The following GTF3C4 variants were observed in gnomAD, a reference collection of about 807,000 sequenced individuals.
GTF3C4 encodes the protein general transcription factor 3C polypeptide 4.
Under a neutral mutation model 67.5 loss-of-function variants are expected in GTF3C4, and 28 were observed. The ratio of observed to expected loss-of-function variants is 0.41; its 90% CI spans 0.31 to 0.57. The LOEUF (loss-of-function observed/expected upper bound fraction) is 0.57, where lower values mean the gene tolerates loss of function less well. GTF3C4 is among the 20% of genes least tolerant of loss of function. The pLI is 0.21. For synonymous variants in GTF3C4, 409 were observed against 393.0 expected, an observed-to-expected ratio of 1.04 and a Z score of -0.48; for missense variants, 831 against 1,033.2, an observed-to-expected ratio of 0.80 and a Z score of 2.68.
chr9:132,685,159 C>T (rs12348101), intron 3 of GTF3C4, among the ~76,000 whole-genome samples: 6 of 151,886 alleles, frequency 4.0e-5, no homozygotes, highest in Admixed American at 3.9e-4. Flanking sequence ...GAACTACAGG[C>T]ATGCGCCACC....
rs1012579327 is a variant in GTF3C4, at chr9:132,689,650, C to G, written c.*705C>G. On this transcript the variant is annotated 3_prime_UTR_variant, in exon 5 of 5. Coordinates refer to ENST00000372146, the MANE Select transcript of GTF3C4 (RefSeq NM_012204.4). ...CTCCTGGGTCATCAGGTTTCCTGAC[C>G]CAACTCCTTAATCCGTATAAAGATG... is the stretch of plus-strand genomic sequence containing the variant. 6.6e-6 allele frequency: 1 copy of G among 152,092 alleles called. No individual in the cohort carries two copies. Among genetic ancestry groups the G allele is most frequent in the African/African-American group, 2.4e-5 (1 of 41,366 alleles). The allele number at this position is 152,092 out of a possible 1,614,324, so 9.4% of individuals were successfully genotyped here.
chr9:132,684,712 A>C (rs1835999330), intron 3 of GTF3C4, among the ~76,000 whole-genome samples: 1 of 151,948 alleles, frequency 6.6e-6, no homozygotes, highest in African/African-American at 2.4e-5. Flanking sequence ...TGATTCCTCT[A>C]CCTAGGATGC....
rs146509424 is a variant in GTF3C4 at position 132,688,481 on chromosome 9, G to A, written c.2405-400G>A. On this transcript the variant is annotated intron_variant, in intron 4 of 4. Transcript: ENST00000372146. ...CGAGGAGGATTTGACCAGTGTTGCC[G>A]CATTTTTATTTCTCAAGGGCATAGC... Among the ~76,000 whole-genome samples, 1,480 of 152,196 alleles carry A rather than the reference G, an allele frequency of 9.7e-3. 10 individuals are homozygous for A. Among genetic ancestry groups the A allele is most frequent in the Middle Eastern group, 0.02 (6 of 294 alleles).
At chr9:132,680,300 CTTTAT>C (rs769935042) in intron 2 of GTF3C4, among the ~76,000 whole-genome samples, 25 of 152,180 alleles carry the variant, frequency 1.6e-4, no homozygotes, top group Non-Finnish European at 2.9e-4. Context: ...TGGGCACAGT[CTTTAT>C]TTTGGTAACA....
At position 132,678,087 on chromosome 9, in the gene GTF3C4, G is replaced by A; in HGVS notation, c.468G>A (p.Lys156=). The change falls in exon 2 of 5, where the codon AAG becomes AAA. Residue 156 remains lysine, a synonymous_variant. Coordinates refer to ENST00000372146, the MANE Select transcript of GTF3C4 (RefSeq NM_012204.4). This position sits in a 1 kb window ranked among gnomAD's most constrained non-coding sequence, Gnocchi z 6.5. ...ATAGGGTGTTCAACCCTGAGGGGAA[G>A]GCTTTACCACCAATGAGAGGATTCA... ...MLDRVFNPEG[K]ALPPMRGFKY... is the part of the protein sequence containing the mutation. 1 of 1,614,214 alleles carries A rather than the reference G, an allele frequency of 6.2e-7. No homozygotes were observed. Among genetic ancestry groups the A allele is most frequent in the Middle Eastern group, 1.6e-4 (1 of 6,062 alleles).
rs1835885671 is a variant in GTF3C4, at chr9:132,677,907, C to T, written c.358-70C>T. The T allele has an allele frequency of 4.0e-6, 5 of 1,238,254 alleles. No homozygotes were observed. In the South Asian group the frequency reaches 7.3e-5, roughly 18 times the overall value. 76.7% of individuals were successfully genotyped at this position (1,238,254 alleles called of 1,614,324 possible). The stretch of plus-strand genomic sequence containing the variant: ...CAGGCTATGAATAATGACATTCTGA[C>T]TTATTTTAAAAAATTGCCATCTCCT... On this transcript the variant is annotated intron_variant, in intron 1 of 4. Coordinates refer to ENST00000372146, the MANE Select transcript of GTF3C4 (RefSeq NM_012204.4).
At chr9:132,672,525 A>G (rs1038018446) in intron 1 of GTF3C4, among the ~76,000 whole-genome samples, 1 of 152,222 alleles carries the variant, frequency 6.6e-6, no homozygotes, top group Admixed American at 6.5e-5. Context: ...TGTTTGTATA[A>G]TGACGGATCA....
chr9:132,674,465 G>C (rs564117034), intron 1 of GTF3C4, among the ~76,000 whole-genome samples: 5 of 152,302 alleles, frequency 3.3e-5, no homozygotes, highest in African/African-American at 1.2e-4. Flanking sequence ...TCTCCATCCT[G>C]TCAAGAATTC....
At chr9:132,677,890 G>A (rs1835885616) in intron 1 of GTF3C4, 87 bp from the exon 2 acceptor site, 1 of 1,033,784 alleles carries the variant, frequency 9.7e-7, no homozygotes, top group Non-Finnish European at 1.4e-6. Context: ...ACCAGGCTAT[G>A]AATAATGACA....
chr9:132,670,359 G>T, upstream of GTF3C4: 1 of 1,332,924 alleles, frequency 7.5e-7, no homozygotes, highest in Non-Finnish European at 9.8e-7. Context: ...TCCCTGGGCA[G>T]GGAAAAGGGG....
At chr9:132,677,910 A>G in intron 1 of GTF3C4, 67 bp from the exon 2 acceptor site, 1 of 1,281,228 alleles carries the variant, frequency 7.8e-7, no homozygotes, top group Non-Finnish European at 1.1e-6. Context: ...ATTCTGACTT[A>G]TTTTAAAAAA....
At chr9:132,681,966 T>TA (rs56402111) in intron 2 of GTF3C4, among the ~76,000 whole-genome samples, 25,156 of 114,294 alleles carry the variant, frequency 0.22, 2,626 homozygotes, top group East Asian at 0.39. Context: ...CTACATAAAG[T>TA]AAAAAAAAAA....
chr9:132,674,571 A>G (rs958430574), intron 1 of GTF3C4, among the ~76,000 whole-genome samples: 3 of 152,214 alleles, frequency 2.0e-5, no homozygotes, highest in Non-Finnish European at 4.4e-5. Context: ...TTACTTCTAC[A>G]GTAGCTTTTA....
At chr9:132,670,365 A>G, upstream of GTF3C4, 2 of 1,312,316 alleles carry the variant, frequency 1.5e-6, no homozygotes, top group Non-Finnish European at 1.0e-6. Context: ...GGCAGGGAAA[A>G]GGGGGTCCTC....
At position 132,679,048 on chromosome 9, in the gene GTF3C4, A is replaced by G. The variant is rs1835903791; in HGVS notation, c.1429A>G (p.Thr477Ala). 1 of 1,614,010 alleles carries G rather than the reference A, an allele frequency of 6.2e-7. No individual in the cohort carries two copies. The highest frequency in any genetic ancestry group is 8.5e-7 in the Non-Finnish European group (1 of 1,180,036). Residue 477 changes from threonine to alanine, a missense_variant, in exon 2 of 5, where the codon ACT (threonine) becomes GCT (alanine). By Grantham distance (58) the Thr-to-Ala change is moderately conservative. Around this residue, in one of 4 missense-constraint regions of GTF3C4, gnomAD observed 390 missense variants for 540.3 expected, o/e 0.72. Coordinates refer to ENST00000372146, the MANE Select transcript of GTF3C4 (RefSeq NM_012204.4). The surrounding 1 kb of genome is among the most constrained non-coding windows in gnomAD (Gnocchi z 5.9). Reference protein sequence around the residue: ...KLSDVFGSVRTHGIAVSPCGA... With the variant: ...KLSDVFGSVRAHGIAVSPCGA... ...CTCAGATGTGTTTGGCTCAGTGAGGACTCACGGGATAGCAGTGAGCCCCTG... is the reference window on the plus strand; with the variant it reads ...CTCAGATGTGTTTGGCTCAGTGAGGGCTCACGGGATAGCAGTGAGCCCCTG...
In GTF3C4 at chr9:132,670,719, C is replaced by G. The variant is rs1564351676; in HGVS notation, c.121C>G (p.Pro41Ala). Reference protein sequence around the residue: ...GGKEPAADAAPGPSAAFRLMV... With the variant: ...GGKEPAADAAAGPSAAFRLMV... Reference sequence around the variant, plus strand: ...GAAGGAGCCAGCAGCGGACGCGGCCCCGGGGCCCAGCGCTGCATTCCGCCT... The same window carrying G: ...GAAGGAGCCAGCAGCGGACGCGGCCGCGGGGCCCAGCGCTGCATTCCGCCT... The change falls in exon 1 of 5, where the codon CCG (proline) becomes GCG (alanine). Residue 41 changes from proline (P) to alanine (A), a missense_variant. Pro to Ala is a conservative substitution (Grantham distance 27). This residue lies in a region of GTF3C4 where 237 missense variants were observed against 212.7 expected (regional missense o/e 1.11). Coordinates refer to ENST00000372146, the MANE Select transcript of GTF3C4 (RefSeq NM_012204.4). 2.6e-6 allele frequency: 4 copies of G among 1,529,084 alleles called. No individual in the cohort carries two copies. Among genetic ancestry groups the G allele is most frequent in the Non-Finnish European group, 3.5e-6 (4 of 1,145,066 alleles). The allele number at this position is 1,529,084 out of a possible 1,614,324, so 94.7% of individuals were successfully genotyped here.
Position 132,679,726 on chromosome 9 carries a change from G to C in GTF3C4, c.2107G>C (p.Glu703Gln). Residue 703 changes from glutamate (E) to glutamine (Q), a missense_variant, in exon 2 of 5, where the codon GAA (glutamate) becomes CAA (glutamine). Glu to Gln is a conservative substitution (Grantham distance 29). Coordinates refer to ENST00000372146, the MANE Select transcript of GTF3C4 (RefSeq NM_012204.4). The surrounding 1 kb of genome is among the most constrained non-coding windows in gnomAD (Gnocchi z 5.9). ...AGTGTATCTGCACACCTGGATCACA[G>C]AAAACACTAGCATCCCCACCCGCGG... ...GEVYLHTWIT[E>Q]NTSIPTRGLC... The C allele has an allele frequency of 6.2e-7, 1 of 1,614,096 alleles. No individual in the cohort carries two copies. The highest frequency in any genetic ancestry group is 8.5e-7 in the Non-Finnish European group (1 of 1,179,974).
chr9:132,674,969 G>A (rs920694311), intron 1 of GTF3C4, among the ~76,000 whole-genome samples: 4 of 152,152 alleles, frequency 2.6e-5, no homozygotes, highest in Admixed American at 2.6e-4. Flanking sequence ...AGGTTGAGGC[G>A]GCAGTGAGCT....
Position 132,679,623 on chromosome 9 carries a change from ACTC to A in GTF3C4, c.2007_2009del (p.Leu670del), listed in dbSNP as rs1183119141. 5.0e-6 allele frequency: 8 copies of A among 1,613,966 alleles called. No homozygotes were observed. Among genetic ancestry groups the A allele is most frequent in the Non-Finnish European group, 5.9e-6 (7 of 1,180,018 alleles). ...GAGGCCGTGAGCCAATGGAAGAGAA[ACTC>A]CTGGAAATCCAAGGGAAAATCGAAG... is the stretch of plus-strand genomic sequence containing the variant. On this transcript the variant is annotated inframe_deletion, in exon 2 of 5. Transcript: ENST00000372146. This position sits in a 1 kb window ranked among gnomAD's most constrained non-coding sequence, Gnocchi z 5.9.
Sources: gnomAD v4.1 joint callset for allele counts (sites outside exome capture counted in the v4.1 genomes callset) on GRCh38, gnomAD v4.1.1 for gene constraint, gnomAD v4.1.1 regional missense constraint, Gnocchi (gnomAD v3.1) non-coding constraint, MANE v1.5 for transcripts, NCBI Gene and HGNC (gene_info 2026-07-23, HGNC 2026-07-21) for gene names.